Variants in FAM227B observed in about 807,000 individuals in gnomAD.
FAM227B encodes the protein protein FAM227B.
FAM227B carries 88 observed loss-of-function variants against 73.8 expected under a neutral mutation model. The observed-to-expected ratio is 1.19, with a 90% confidence interval of 1.00 to 1.42. The LOEUF is 1.42. FAM227B is among the 40% of genes most tolerant of loss of function. The pLI is 0.00. For missense variants in FAM227B, 632 were observed against 590.9 expected (o/e 1.07, Z -0.72); for synonymous variants, 210 against 190.5 (o/e 1.10, Z -0.84).
chr15:49,356,807 A>G (rs1296534279), intron 13 of FAM227B, among the ~76,000 whole-genome samples: 2 of 75,210 alleles, frequency 2.7e-5, no homozygotes, highest in Non-Finnish European at 5.1e-5. Context: ...CACCACACCT[A>G]TTCCAAAATT....
intron 11 of FAM227B, chr15:49,487,130 T>A (rs548267441): frequency 1.1e-3 from 171 of 152,038 alleles, no homozygotes; most frequent in African/African-American, 3.7e-3. Context: ...ATGCACTTCA[T>A]ACACAATGAC....
intron 11 of FAM227B, among the ~76,000 whole-genome samples, chr15:49,504,192 T>A (rs1252033500): frequency 6.8e-6 from 1 of 146,464 alleles, no homozygotes; most frequent in Non-Finnish European, 1.5e-5. Context: ...AACCAAACAC[T>A]GCATGTTCTC....
chr15:49,343,806 A>G (rs2041091265), intron 13 of FAM227B: 1 of 152,220 alleles, frequency 6.6e-6, no homozygotes, highest in African/African-American at 2.4e-5. Flanking sequence ...CATGATATCC[A>G]TGAGATCTGA....
At chr15:49,431,297 T>C (rs1269270297) in intron 11 of FAM227B, among the ~76,000 whole-genome samples, 1 of 151,842 alleles carries the variant, frequency 6.6e-6, no homozygotes, top group Non-Finnish European at 1.5e-5. Context: ...TTAACCGCTT[T>C]TGGACCAAGT....
chr15:49,608,331 A>G (rs1347063521), intron 3 of FAM227B, among the ~76,000 whole-genome samples: 1 of 152,170 alleles, frequency 6.6e-6, no homozygotes. Context: ...CAGTGGCAGA[A>G]GCACAAATTA....
intron 11 of FAM227B, among the ~76,000 whole-genome samples, chr15:49,390,975 C>T (rs375928429): frequency 2.0e-5 from 3 of 152,078 alleles, no homozygotes; most frequent in African/African-American, 7.2e-5. Context: ...GATGAAGATT[C>T]AGGACTAGTT....
chr15:49,457,981 T>C (rs1301644214), intron 11 of FAM227B, among the ~76,000 whole-genome samples: 2 of 151,982 alleles, frequency 1.3e-5, no homozygotes, highest in Non-Finnish European at 2.9e-5. Flanking sequence ...CATCACTTTC[T>C]TGATTGATAA....
chr15:49,552,529 G>C (rs2073154106), intron 9 of FAM227B, among the ~76,000 whole-genome samples: 1 of 151,818 alleles, frequency 6.6e-6, no homozygotes, highest in Non-Finnish European at 1.5e-5. Context: ...TTTCCTTTAG[G>C]TTTAAGGAAA....
intron 9 of FAM227B, among the ~76,000 whole-genome samples, chr15:49,544,870 TATG>T (rs1267369809): frequency 6.6e-6 from 1 of 152,182 alleles, no homozygotes; most frequent in Admixed American, 6.5e-5. Flanking sequence ...GATCGTGGTG[TATG>T]ATATTTTTGA....
At chr15:49,526,579 A>C (rs2060221438) in intron 10 of FAM227B, among the ~76,000 whole-genome samples, 1 of 152,110 alleles carries the variant, frequency 6.6e-6, no homozygotes, top group Non-Finnish European at 1.5e-5. Flanking sequence ...AGATTAAGAA[A>C]GTGATACAAA....
intron 13 of FAM227B, among the ~76,000 whole-genome samples, chr15:49,351,059 C>T (rs1254103082): frequency 1.3e-5 from 2 of 152,202 alleles, no homozygotes; most frequent in African/African-American, 4.8e-5. Context: ...GTGGTTTGAG[C>T]TCTACAATCA....
chr15:49,505,448 A>C (rs1198304224), intron 11 of FAM227B, among the ~76,000 whole-genome samples: 1 of 152,132 alleles, frequency 6.6e-6, no homozygotes, highest in Non-Finnish European at 1.5e-5. Flanking sequence ...TTTGAAACAA[A>C]AGTCATGACA....
intron 11 of FAM227B, among the ~76,000 whole-genome samples, chr15:49,448,926 C>T (rs989981898): frequency 2.4e-4 from 36 of 151,876 alleles, no homozygotes; most frequent in African/African-American, 8.7e-4. Context: ...GAAATTACTC[C>T]TGCTTCAGTT....
At position 49,489,876 on chromosome 15, in the gene FAM227B, A is replaced by ATTT. The variant is rs1159204390; in HGVS notation, c.1012+18334_1012+18335insAAA. ...ATATATATTTTATATATATATATAT[A>ATTT]TATATATAGAGAGAGAGAGAGAGAG... On this transcript the variant is annotated intron_variant, in intron 11 of 15. Coordinates refer to ENST00000299338, the MANE Select transcript of FAM227B (RefSeq NM_152647.3). 6.6e-3 allele frequency among the ~76,000 whole-genome samples: 113 copies of ATTT among 17,042 alleles called. 11 individuals carry two copies. The highest frequency in any genetic ancestry group is 0.028 in the Middle Eastern group (1 of 36). 11.2% of individuals were successfully genotyped at this position (17,042 alleles called of 152,430 possible). A position where few individuals can be genotyped will look rare whatever the true frequency, so the allele number is the denominator to read the frequency against.
At chr15:49,587,739 G>A (rs1567644391) in intron 5 of FAM227B, among the ~76,000 whole-genome samples, 1 of 151,702 alleles carries the variant, frequency 6.6e-6, no homozygotes, top group African/African-American at 2.4e-5. Context: ...GCACTACTAA[G>A]TATGTTATAA....
intron 9 of FAM227B, among the ~76,000 whole-genome samples, chr15:49,566,747 T>C (rs1020322890): frequency 6.6e-6 from 1 of 152,166 alleles, no homozygotes; most frequent in African/African-American, 2.4e-5. Flanking sequence ...TTAGTGCAAG[T>C]CCAGGAGTCT....
intron 8 of FAM227B, among the ~76,000 whole-genome samples, chr15:49,573,212 T>C (rs953126690): frequency 6.1e-5 from 9 of 146,942 alleles, no homozygotes; most frequent in Non-Finnish European, 1.0e-4. Context: ...AGAATTGTGT[T>C]CATTTCCAAA....
intron 11 of FAM227B, among the ~76,000 whole-genome samples, chr15:49,494,607 C>A (rs2057439003): frequency 6.6e-6 from 1 of 152,064 alleles, no homozygotes; most frequent in Non-Finnish European, 1.5e-5. Context: ...ACACAGTATT[C>A]ATACCAGTCT....
chr15:49,615,972 T>G (rs1336680020), intron 1 of FAM227B, among the ~76,000 whole-genome samples: 2 of 152,226 alleles, frequency 1.3e-5, no homozygotes, highest in Non-Finnish European at 2.9e-5. Context: ...CCTCTATTTT[T>G]TTCTATTATC....
Sources: allele counts gnomAD v4.1 joint callset (sites outside exome capture counted in the v4.1 genomes callset), GRCh38; gene constraint gnomAD v4.1.1; transcripts MANE v1.5; gene names NCBI Gene and HGNC (gene_info 2026-07-23, HGNC 2026-07-21).